The following PSMD1 variants were observed in gnomAD, a reference collection of about 807,000 sequenced individuals.
PSMD1 encodes proteasome 26S subunit, non-ATPase 1.
A neutral mutation model predicts 119.0 loss-of-function variants in PSMD1; 18 were observed. The ratio of observed to expected loss-of-function variants is 0.15; its 90% CI spans 0.10 to 0.22. The LOEUF (loss-of-function observed/expected upper bound fraction) is 0.22, where lower values mean the gene tolerates loss of function less well. Ranked by LOEUF, PSMD1 falls within the 10% of genes least tolerant of loss-of-function variation. PSMD1 has a pLI of 1.00. For missense variants in PSMD1, 702 were observed against 1,158.5 expected, an observed-to-expected ratio of 0.61 and a Z score of 5.72; for synonymous variants, 374 against 396.6, an observed-to-expected ratio of 0.94 and a Z score of 0.68.
chr2:231,108,225 A>C (rs1178917921), intron 16 of PSMD1: 5 of 312,106 alleles, frequency 1.6e-5, no homozygotes, highest in Admixed American at 4.8e-5. Flanking sequence ...TTATGATGAC[A>C]GTGGTTCTTT....
chr2:231,134,645 T>C (rs1002146760), intron 16 of PSMD1, among the ~76,000 whole-genome samples: 3 of 152,206 alleles, frequency 2.0e-5, no homozygotes, highest in African/African-American at 7.2e-5. Context: ...ATCAATATGG[T>C]TTTTCTACCT....
intron 6 of PSMD1, among the ~76,000 whole-genome samples, chr2:231,071,659 A>G (rs1694043357): frequency 6.6e-6 from 1 of 152,186 alleles, no homozygotes; most frequent in Admixed American, 6.5e-5. Flanking sequence ...TAAGGGAACA[A>G]GAAAATTTAA....
At chr2:231,146,707 C>T (rs1696260968) in intron 18 of PSMD1, among the ~76,000 whole-genome samples, 1 of 152,172 alleles carries the variant, frequency 6.6e-6, no homozygotes, top group Middle Eastern at 3.2e-3. Flanking sequence ...ATATAGGATG[C>T]AAACTTAGGC....
intron 4 of PSMD1, among the ~76,000 whole-genome samples, chr2:231,065,083 A>C (rs948551788): frequency 5.4e-5 from 8 of 148,238 alleles, no homozygotes; most frequent in African/African-American, 1.8e-4. Flanking sequence ...AACCCGGGTC[A>C]TCTAGTAGGC....
intron 16 of PSMD1, among the ~76,000 whole-genome samples, chr2:231,117,534 G>T (rs1035752840): frequency 1.3e-5 from 2 of 152,118 alleles, no homozygotes; most frequent in Non-Finnish European, 2.9e-5. Context: ...ACAAGTCCTA[G>T]ATGGGTCTTG....
chr2:231,152,530 C>T (rs557535233), intron 18 of PSMD1, among the ~76,000 whole-genome samples: 2 of 152,156 alleles, frequency 1.3e-5, no homozygotes, highest in South Asian at 2.1e-4. Flanking sequence ...TAGTAACTTA[C>T]CCAAACAGCT....
intron 23 of PSMD1, among the ~76,000 whole-genome samples, chr2:231,167,416 C>T (rs1051868688): frequency 6.6e-6 from 1 of 152,214 alleles, no homozygotes; most frequent in African/African-American, 2.4e-5. Context: ...CATATGAGCA[C>T]ACTGTACACC....
At chr2:231,160,228 G>A (rs543604718) in intron 19 of PSMD1, among the ~76,000 whole-genome samples, 2 of 152,160 alleles carry the variant, frequency 1.3e-5, no homozygotes, top group Non-Finnish European at 2.9e-5. Context: ...TAGTGCTCTC[G>A]TTCAAGTGTT....
chr2:231,143,164 A>G (rs143820191), intron 17 of PSMD1, among the ~76,000 whole-genome samples: 16 of 151,034 alleles, frequency 1.1e-4, no homozygotes, highest in African/African-American at 3.4e-4. Context: ...TCTAATCTCA[A>G]TGACAGATTA....
intron 16 of PSMD1, among the ~76,000 whole-genome samples, chr2:231,091,904 G>A (rs778528990): frequency 8.5e-5 from 13 of 152,150 alleles, no homozygotes; most frequent in Non-Finnish European, 1.6e-4. Flanking sequence ...AAGTGCTGTC[G>A]GAATGCCAGC....
chr2:231,121,276 C>G (rs1374978657), intron 16 of PSMD1, among the ~76,000 whole-genome samples: 1 of 152,086 alleles, frequency 6.6e-6, no homozygotes, highest in Non-Finnish European at 1.5e-5. Context: ...GCCTGTAATC[C>G]TAGCTACTTA....
At chr2:231,062,794 A>T (rs1042677092) in intron 4 of PSMD1, 119 bp downstream of exon 4, 205 of 847,002 alleles carry the variant, frequency 2.4e-4, no homozygotes, top group Non-Finnish European at 3.3e-4. Flanking sequence ...GGAAGTTCCT[A>T]ATCTTTCTAT....
chr2:231,141,114 C>G (rs538578555), intron 17 of PSMD1, among the ~76,000 whole-genome samples: 2 of 152,284 alleles, frequency 1.3e-5, no homozygotes, highest in Admixed American at 1.3e-4. Flanking sequence ...TCAAGACCAG[C>G]CTGCCTAACA....
chr2:231,066,817 A>T, intron 4 of PSMD1, 89 bp from the exon 5 acceptor site: 1 of 1,049,502 alleles, frequency 9.5e-7, no homozygotes, highest in Non-Finnish European at 1.3e-6. Context: ...GTCATCCCAT[A>T]AGTATATATG....
chr2:231,062,494 A>G lies in PSMD1; in HGVS notation c.135-12A>G, dbSNP rs758775062. On this transcript the variant is annotated splice_polypyrimidine_tract_variant and intron_variant, in intron 3 of 24. Coordinates refer to ENST00000308696, the MANE Select transcript of PSMD1 (RefSeq NM_002807.4). ...AGTTTGAACTAGACCTGTACTTCCT[A>G]ATTTCTTTCAGAGAGGTTTTATACG... is the stretch of plus-strand genomic sequence containing the variant. The G allele has an allele frequency of 1.0e-5, 16 of 1,577,150 alleles. No homozygotes were observed. The highest frequency in any genetic ancestry group is 3.9e-5 in the Admixed American group (2 of 51,912).
chr2:231,134,837 C>T (rs1695932216), intron 16 of PSMD1, among the ~76,000 whole-genome samples: 1 of 152,148 alleles, frequency 6.6e-6, no homozygotes, highest in Non-Finnish European at 1.5e-5. Context: ...AGGGAGAAAG[C>T]AAAAGTGGAA....
intron 16 of PSMD1, among the ~76,000 whole-genome samples, chr2:231,122,088 A>G (rs1329758688): frequency 6.6e-6 from 1 of 152,116 alleles, no homozygotes; most frequent in Non-Finnish European, 1.5e-5. Context: ...TCATGGTTTC[A>G]TGCAGCATTA....
chr2:231,120,105 C>T (rs1695486230), intron 16 of PSMD1, among the ~76,000 whole-genome samples: 1 of 151,916 alleles, frequency 6.6e-6, no homozygotes, highest in South Asian at 2.1e-4. Context: ...GCGCGTACCA[C>T]CATGCCCAGC....
chr2:231,141,096 T>C (rs967186453), intron 17 of PSMD1, among the ~76,000 whole-genome samples: 5 of 152,162 alleles, frequency 3.3e-5, no homozygotes, highest in African/African-American at 1.2e-4. Context: ...TCACCTGAAG[T>C]CAGGAGTTCA....
Sources: allele counts gnomAD v4.1 joint callset (sites outside exome capture counted in the v4.1 genomes callset), GRCh38; gene constraint gnomAD v4.1.1; transcripts MANE v1.5; gene names NCBI Gene and HGNC (gene_info 2026-07-23, HGNC 2026-07-21).